Variants in PID1 observed in about 807,000 individuals in gnomAD.
PID1 encodes PTB-containing, cubilin and LRP1-interacting protein.
In PID1, 10 loss-of-function variants were observed where a neutral mutation model predicts 19.1. The observed-to-expected ratio is 0.52, with a 90% confidence interval of 0.32 to 0.89. The LOEUF (loss-of-function observed/expected upper bound fraction) is 0.89. PID1 is among the 40% of genes least tolerant of loss of function. The pLI is 0.03. For missense variants in PID1, 248 were observed against 285.3 expected, an observed-to-expected ratio of 0.87 and a Z score of 0.94; for synonymous variants, 130 against 116.0, an observed-to-expected ratio of 1.12 and a Z score of -0.78.
At chr2:229,139,645 T>G (rs1254627057) in intron 2 of PID1, among the ~76,000 whole-genome samples, 1 of 152,182 alleles carries the variant, frequency 6.6e-6, no homozygotes, top group Non-Finnish European at 1.5e-5. Flanking sequence ...CCCTAGCTAA[T>G]GAACCATCTT....
Position 229,265,982 on chromosome 2 carries a change from T to C in PID1, c.30+5032A>G, listed in dbSNP as rs1690583302. Among the ~76,000 whole-genome samples, 3 of 152,212 alleles carry C rather than the reference T, an allele frequency of 2.0e-5. No individual in the cohort carries two copies. In the South Asian group the frequency reaches 6.2e-4, roughly 32 times the overall value. On this transcript the variant is annotated intron_variant, in intron 1 of 2. Coordinates refer to ENST00000392055, the MANE Select transcript of PID1 (RefSeq NM_001100818.2). ...CAGAGTTTGTTCCCAGGCTAGGATT[T>C]TGCAAATCGCTTGAAAGAGATTTGC...
rs1293626727 is a variant in PID1 at position 229,139,146 on chromosome 2, A to AAAGAAAGC, written c.177+16671_177+16672insGCTTTCTT. Among the ~76,000 whole-genome samples the AAAGAAAGC allele has an allele frequency of 1.8e-4, 20 of 109,032 alleles. 2 individuals carry two copies. The highest frequency in any genetic ancestry group is 5.9e-4 in the African/African-American group (16 of 27,246). 71.5% of individuals were successfully genotyped at this position (109,032 alleles called of 152,430 possible). A position where few individuals can be genotyped will look rare whatever the true frequency, so the allele number is the denominator to read the frequency against. ...GAAAGAAAGAAAGAAAGAAAGAAAG[A>AAAGAAAGC]AAGCAAGCGAGCGAGCAAGCGAGCT... On this transcript the variant is annotated intron_variant, in intron 2 of 2. Coordinates refer to ENST00000392055, the MANE Select transcript of PID1 (RefSeq NM_001100818.2).
intron 1 of PID1, among the ~76,000 whole-genome samples, chr2:229,232,929 C>T (rs1692246498): frequency 6.6e-6 from 1 of 151,622 alleles, no homozygotes; most frequent in Admixed American, 6.6e-5. Context: ...GAAAGTCACT[C>T]CGAGTTGAGA....
chr2:229,034,224 A>C (rs1693613755), intron 2 of PID1, among the ~76,000 whole-genome samples: 1 of 152,162 alleles, frequency 6.6e-6, no homozygotes, highest in African/African-American at 2.4e-5. Flanking sequence ...GGAAGACACA[A>C]AGGGGGCTAC....
chr2:229,155,374 A>G (rs1559260387), intron 2 of PID1, among the ~76,000 whole-genome samples: 1 of 152,030 alleles, frequency 6.6e-6, no homozygotes, highest in South Asian at 2.1e-4. Context: ...AGACCATCCT[A>G]GCTAACATGG....
chr2:229,032,558 G>T (rs540612021), intron 2 of PID1, among the ~76,000 whole-genome samples: 18 of 152,328 alleles, frequency 1.2e-4, no homozygotes, highest in African/African-American at 3.6e-4. Context: ...ATGATACACA[G>T]ATTTTTCTTT....
At chr2:229,221,024 C>A (rs1366465689) in intron 1 of PID1, among the ~76,000 whole-genome samples, 4 of 152,234 alleles carry the variant, frequency 2.6e-5, no homozygotes, top group Admixed American at 6.5e-5. Flanking sequence ...ATTGGCCGAT[C>A]AGTGTAGACT....
chr2:229,110,829 T>C (rs537482581), intron 2 of PID1, among the ~76,000 whole-genome samples: 53 of 152,280 alleles, frequency 3.5e-4, no homozygotes, highest in African/African-American at 1.3e-3. Flanking sequence ...CTGCACGTCC[T>C]GTGCTCTCCT....
At chr2:229,196,776 T>C (rs1269994886) in intron 1 of PID1, among the ~76,000 whole-genome samples, 1 of 152,070 alleles carries the variant, frequency 6.6e-6, no homozygotes, top group African/African-American at 2.4e-5. Context: ...CTTTTATCCA[T>C]AATACTGGAA....
chr2:229,107,579 C>T (rs1393038406), intron 2 of PID1, among the ~76,000 whole-genome samples: 2 of 151,668 alleles, frequency 1.3e-5, no homozygotes, highest in African/African-American at 4.8e-5. Flanking sequence ...ATAAACTTGC[C>T]TAGACTACAA....
chr2:229,172,536 C>T (rs948337990), intron 1 of PID1, among the ~76,000 whole-genome samples: 2 of 152,074 alleles, frequency 1.3e-5, no homozygotes, highest in Non-Finnish European at 2.9e-5. Flanking sequence ...TTTCTTCACA[C>T]CCTCTTTCCT....
intron 1 of PID1, among the ~76,000 whole-genome samples, chr2:229,259,368 T>A (rs898335581): frequency 3.3e-5 from 5 of 152,190 alleles, no homozygotes; most frequent in African/African-American, 1.2e-4. Flanking sequence ...TTAATTTTGA[T>A]AAAGTCCAAT....
chr2:229,176,519 A>T (rs971578050), intron 1 of PID1, among the ~76,000 whole-genome samples: 1 of 152,246 alleles, frequency 6.6e-6, no homozygotes, highest in Non-Finnish European at 1.5e-5. Context: ...TGATACTTAA[A>T]AATACAAGAT....
intron 1 of PID1, among the ~76,000 whole-genome samples, chr2:229,267,925 C>T (rs1192632455): frequency 6.7e-6 from 1 of 149,904 alleles, no homozygotes; most frequent in African/African-American, 2.5e-5. Flanking sequence ...TCAATACCTC[C>T]AAGAAAAAAA....
intron 2 of PID1, among the ~76,000 whole-genome samples, chr2:229,038,286 T>A (rs888861508): frequency 6.6e-6 from 1 of 152,216 alleles, no homozygotes; most frequent in Non-Finnish European, 1.5e-5. Flanking sequence ...GCAGTCCAGA[T>A]GTCTTTCATC....
chr2:229,256,398 C>A (rs1285022507), intron 1 of PID1, among the ~76,000 whole-genome samples: 2 of 152,170 alleles, frequency 1.3e-5, no homozygotes, highest in Non-Finnish European at 2.9e-5. Context: ...AAGCTAAAGC[C>A]AAACCTCAGG....
intron 2 of PID1, among the ~76,000 whole-genome samples, chr2:229,073,934 C>T (rs987572892): frequency 6.6e-6 from 1 of 152,222 alleles, no homozygotes; most frequent in African/African-American, 2.4e-5. Flanking sequence ...TACACATAAA[C>T]AATGTCATTG....
chr2:229,064,796 C>G (rs951586456), intron 2 of PID1, among the ~76,000 whole-genome samples: 1 of 151,872 alleles, frequency 6.6e-6, no homozygotes, highest in African/African-American at 2.4e-5. Context: ...AAGCTAAAAC[C>G]CTGGAGTAAA....
chr2:229,198,168 T>G (rs888853286), intron 1 of PID1, among the ~76,000 whole-genome samples: 1 of 152,150 alleles, frequency 6.6e-6, no homozygotes. Flanking sequence ...TTCCCGAAAT[T>G]TATTGTCTTT....
Sources: gnomAD v4.1 joint callset for allele counts (sites outside exome capture counted in the v4.1 genomes callset) on GRCh38, gnomAD v4.1.1 for gene constraint, MANE v1.5 for transcripts, NCBI Gene and HGNC (gene_info 2026-07-23, HGNC 2026-07-21) for gene names.